The following TMTC2 variants were observed in gnomAD, a reference collection of about 807,000 sequenced individuals.
TMTC2 encodes the protein transmembrane O-mannosyltransferase targeting cadherins 2.
TMTC2 carries 43 observed loss-of-function variants against 82.4 expected under a neutral mutation model. The ratio of observed to expected loss-of-function variants is 0.52; its 90% CI spans 0.41 to 0.67. TMTC2 has a LOEUF of 0.67. Ranked by LOEUF, TMTC2 falls within the 30% of genes least tolerant of loss-of-function variation. TMTC2 has a pLI of 0.00. For synonymous variants in TMTC2, 408 were observed against 381.9 expected (o/e 1.07, Z -0.80); for missense variants, 919 against 1,012.4 (o/e 0.91, Z 1.25).
chr12:82,943,349 T>C (rs2137265770), intron 4 of TMTC2, among the ~76,000 whole-genome samples: 1 of 152,298 alleles, frequency 6.6e-6, no homozygotes, highest in East Asian at 1.9e-4. Context: ...GCTCCTCCTT[T>C]CCTGGAAAGT....
At chr12:82,875,157 T>G (rs1872419914) in intron 2 of TMTC2, among the ~76,000 whole-genome samples, 1 of 152,178 alleles carries the variant, frequency 6.6e-6, no homozygotes, top group African/African-American at 2.4e-5. Context: ...AGAACTTACT[T>G]GCTAAACTCA....
intron 1 of TMTC2, among the ~76,000 whole-genome samples, chr12:82,688,571 T>C (rs1219084989): frequency 6.6e-6 from 1 of 152,222 alleles, no homozygotes; most frequent in African/African-American, 2.4e-5. Context: ...CCAATTTGTG[T>C]CCTTCCGGTG....
chr12:83,031,699 A>T (rs1881436797), intron 9 of TMTC2, among the ~76,000 whole-genome samples: 1 of 152,220 alleles, frequency 6.6e-6, no homozygotes, highest in Admixed American at 6.5e-5. Context: ...TAAGGAAATA[A>T]AACCAATATA....
At chr12:83,132,164 G>A (rs1257092736) in intron 11 of TMTC2, 46 bp from the exon 12 acceptor site, 3 of 1,547,408 alleles carry the variant, frequency 1.9e-6, no homozygotes, top group Non-Finnish European at 2.6e-6. Context: ...ATGAAGGAAA[G>A]CTTGAAATGG....
intron 1 of TMTC2, among the ~76,000 whole-genome samples, chr12:82,725,753 G>T (rs930580945): frequency 3.9e-5 from 6 of 152,160 alleles, no homozygotes; most frequent in Non-Finnish European, 5.9e-5. Context: ...ACCAGGGGTG[G>T]GTGGGGCATC....
chr12:82,765,451 G>C (rs190821910), intron 1 of TMTC2, among the ~76,000 whole-genome samples: 1 of 152,244 alleles, frequency 6.6e-6, no homozygotes, highest in Non-Finnish European at 1.5e-5. Flanking sequence ...GAGGCGGGCA[G>C]ATCACCTGAG....
intron 1 of TMTC2, among the ~76,000 whole-genome samples, chr12:82,846,761 T>G (rs1463673046): frequency 6.6e-6 from 1 of 152,136 alleles, no homozygotes; most frequent in African/African-American, 2.4e-5. Flanking sequence ...ACTTCCTGTA[T>G]TCTCTTTTCA....
At chr12:82,753,199 A>G (rs1205988073) in intron 1 of TMTC2, among the ~76,000 whole-genome samples, 10 of 152,096 alleles carry the variant, frequency 6.6e-5, no homozygotes, top group African/African-American at 2.2e-4. Flanking sequence ...TCCTACCCTC[A>G]GGAGCCAGGT....
chr12:82,895,395 T>C (rs1873606854), intron 2 of TMTC2, among the ~76,000 whole-genome samples: 1 of 152,174 alleles, frequency 6.6e-6, no homozygotes, highest in African/African-American at 2.4e-5. Flanking sequence ...CTTCAAAATC[T>C]AAACTACGAT....
chr12:83,000,428 C>A (rs1879867695), intron 8 of TMTC2, among the ~76,000 whole-genome samples: 1 of 152,116 alleles, frequency 6.6e-6, no homozygotes, highest in Non-Finnish European at 1.5e-5. Flanking sequence ...GCCACCGCAC[C>A]TTGCCAGGGC....
intron 8 of TMTC2, among the ~76,000 whole-genome samples, chr12:82,997,255 G>A (rs1245317375): frequency 2.4e-5 from 3 of 124,582 alleles, no homozygotes; most frequent in East Asian, 2.4e-4. Context: ...AGTTATATAC[G>A]TCTATATTTA....
intron 2 of TMTC2, among the ~76,000 whole-genome samples, chr12:82,877,378 T>C (rs1280646005): frequency 6.6e-6 from 1 of 152,200 alleles, no homozygotes; most frequent in African/African-American, 2.4e-5. Context: ...ATCCTGTCTC[T>C]CATATCAGTA....
intron 11 of TMTC2, among the ~76,000 whole-genome samples, chr12:83,088,504 C>G (rs1228532486): frequency 6.6e-6 from 1 of 152,152 alleles, no homozygotes; most frequent in Non-Finnish European, 1.5e-5. Flanking sequence ...AGATGTGCAA[C>G]TCTTCTTTTT....
chr12:82,821,114 C>G (rs892795278), intron 1 of TMTC2, among the ~76,000 whole-genome samples: 18 of 152,102 alleles, frequency 1.2e-4, no homozygotes, highest in Admixed American at 2.6e-4. Context: ...TTGCCTTGGT[C>G]TCACAAAATG....
chr12:82,816,802 C>T (rs1868758223), intron 1 of TMTC2, among the ~76,000 whole-genome samples: 1 of 151,890 alleles, frequency 6.6e-6, no homozygotes. Context: ...CAAAAAGATT[C>T]TATGTTAGAA....
intron 1 of TMTC2, among the ~76,000 whole-genome samples, chr12:82,793,889 A>G (rs1308237379): frequency 2.0e-5 from 3 of 152,160 alleles, no homozygotes; most frequent in Admixed American, 6.5e-5. Context: ...ATAGCTTACA[A>G]TGTTCTTAAT....
chr12:82,896,444 T>G lies in TMTC2; in HGVS notation c.1281T>G (p.Pro427=), dbSNP rs1348187329. ...TTGCAGAGCGAGTATTATATATTCC[T>G]AGTATGGGCTTCTGCCTACTGATTA... ...FVIAERVLYI[P]SMGFCLLITV... is the part of the protein sequence containing the mutation. Residue 427 remains proline, a synonymous_variant, in exon 3 of 12, where the codon CCT becomes CCG. Coordinates refer to ENST00000321196, the MANE Select transcript of TMTC2 (RefSeq NM_152588.3). 1 of 1,614,078 alleles carries G rather than the reference T, an allele frequency of 6.2e-7. No individual in the cohort carries two copies.
chr12:82,723,892 C>T (rs1353716899), intron 1 of TMTC2, among the ~76,000 whole-genome samples: 1 of 152,172 alleles, frequency 6.6e-6, no homozygotes, highest in African/African-American at 2.4e-5. Flanking sequence ...GCTAAAGAAC[C>T]ACCTGAGTTC....
intron 11 of TMTC2, among the ~76,000 whole-genome samples, chr12:83,095,585 T>A (rs753753887): frequency 6.6e-6 from 1 of 152,148 alleles, no homozygotes; most frequent in Admixed American, 6.6e-5. Context: ...AGTTGCTATA[T>A]CCCGAGACGG....
Sources: gnomAD v4.1 joint callset for allele counts (sites outside exome capture counted in the v4.1 genomes callset) on GRCh38, gnomAD v4.1.1 for gene constraint, MANE v1.5 for transcripts, NCBI Gene and HGNC (gene_info 2026-07-23, HGNC 2026-07-21) for gene names.